The following GSK3B variants were observed in gnomAD, a reference collection of about 807,000 sequenced individuals.
GSK3B encodes glycogen synthase kinase 3 beta.
GSK3B carries 15 observed loss-of-function variants against 56.4 expected under a neutral mutation model. The ratio of observed to expected loss-of-function variants is 0.27; its 90% confidence interval spans 0.18 to 0.41. GSK3B has a LOEUF of 0.41. GSK3B is among the 10% of genes least tolerant of loss of function. The pLI is 1.00. For synonymous variants in GSK3B, 181 were observed against 188.9 expected (o/e 0.96, Z 0.34); for missense variants, 300 against 513.4 (o/e 0.58, Z 4.02).
At chr3:119,921,179 A>G (rs1318872728) in intron 4 of GSK3B, among the ~76,000 whole-genome samples, 1 of 152,214 alleles carries the variant, frequency 6.6e-6, no homozygotes. Flanking sequence ...GATGCTATGG[A>G]ATAGACTATT....
intron 1 of GSK3B, among the ~76,000 whole-genome samples, chr3:120,033,496 T>G (rs545865411): frequency 6.6e-6 from 1 of 152,348 alleles, no homozygotes; most frequent in South Asian, 2.1e-4. Context: ...TAATCTGACT[T>G]TTTTATTCTA....
At chr3:120,084,452 C>T (rs1482312153) in intron 1 of GSK3B, 3 of 152,186 alleles carry the variant, frequency 2.0e-5, no homozygotes, top group African/African-American at 7.2e-5. Context: ...CAGAAGATTA[C>T]TTTCCATCAT....
intron 7 of GSK3B, among the ~76,000 whole-genome samples, chr3:119,888,787 A>C (rs2056468329): frequency 6.6e-6 from 1 of 152,014 alleles, no homozygotes; most frequent in Admixed American, 6.6e-5. Context: ...AAGGATTAAT[A>C]CTCTGGGAAA....
intron 9 of GSK3B, among the ~76,000 whole-genome samples, chr3:119,857,841 T>C (rs1462076734): frequency 2.0e-5 from 3 of 152,216 alleles, no homozygotes; most frequent in African/African-American, 7.2e-5. Flanking sequence ...GACATAAAAG[T>C]AGAAATCATT....
intron 2 of GSK3B, among the ~76,000 whole-genome samples, chr3:119,998,207 C>T (rs1002140258): frequency 1.3e-5 from 2 of 152,162 alleles, no homozygotes; most frequent in Non-Finnish European, 2.9e-5. Flanking sequence ...GTATTCACAC[C>T]CTTGTTTAAT....
chr3:119,971,525 C>T (rs954760073), intron 2 of GSK3B, among the ~76,000 whole-genome samples: 1 of 150,900 alleles, frequency 6.6e-6, no homozygotes, highest in African/African-American at 2.4e-5. Context: ...TAGTAACTGG[C>T]CTTATATATT....
chr3:119,918,606 T>G (rs543495096), intron 4 of GSK3B, among the ~76,000 whole-genome samples: 2 of 152,332 alleles, frequency 1.3e-5, no homozygotes, highest in Admixed American at 6.5e-5. Flanking sequence ...ATATACTAAG[T>G]GCCAAACCAA....
intron 10 of GSK3B, among the ~76,000 whole-genome samples, chr3:119,841,896 C>T (rs954853388): frequency 6.6e-6 from 1 of 152,106 alleles, no homozygotes; most frequent in African/African-American, 2.4e-5. Context: ...TAAGATTAGA[C>T]AGAAACAACA....
chr3:120,047,110 T>C (rs768218353), intron 1 of GSK3B, among the ~76,000 whole-genome samples: 18 of 152,350 alleles, frequency 1.2e-4, no homozygotes, highest in Non-Finnish European at 2.2e-4. Context: ...ACTCCTTTAT[T>C]TATCTTAAAC....
In GSK3B at chr3:119,977,039, G is replaced by A. The variant is rs1315098589; in HGVS notation, c.282+25007C>T. On this transcript the variant is annotated intron_variant, in intron 2 of 10. Coordinates refer to ENST00000264235, the MANE Select transcript of GSK3B (RefSeq NM_001146156.2). ...TTCAAGTCCACAAATATCAAATATCGTGCCTCCATTTTTTCTCAGTGGAAC... is the reference window on the plus strand; with the variant it reads ...TTCAAGTCCACAAATATCAAATATCATGCCTCCATTTTTTCTCAGTGGAAC... Among the ~76,000 whole-genome samples, 139 of 152,012 alleles carry A rather than the reference G, an allele frequency of 9.1e-4. 2 individuals carry two copies. The highest frequency in any genetic ancestry group is 2.1e-4 in the South Asian group (1 of 4,818).
At chr3:119,839,627 G>C (rs1308754738) in intron 10 of GSK3B, among the ~76,000 whole-genome samples, 3 of 152,144 alleles carry the variant, frequency 2.0e-5, no homozygotes, top group Non-Finnish European at 2.9e-5. Context: ...GTAGTCTTTT[G>C]AATTTGTATT....
chr3:120,050,877 A>G (rs939180059), intron 1 of GSK3B, among the ~76,000 whole-genome samples: 1 of 152,192 alleles, frequency 6.6e-6, no homozygotes, highest in Non-Finnish European at 1.5e-5. Flanking sequence ...GAAGGTAGGC[A>G]GAGTATGAAC....
At chr3:120,024,923 C>T (rs1022684201) in intron 1 of GSK3B, among the ~76,000 whole-genome samples, 1 of 152,162 alleles carries the variant, frequency 6.6e-6, no homozygotes, top group Admixed American at 6.5e-5. Flanking sequence ...TCACAGAAGA[C>T]TGCACATTGT....
At chr3:119,958,317 G>C (rs939465410) in intron 2 of GSK3B, among the ~76,000 whole-genome samples, 1 of 140,504 alleles carries the variant, frequency 7.1e-6, no homozygotes, top group African/African-American at 2.6e-5. Context: ...ACAGCAGTGT[G>C]AGAATGGACT....
At chr3:119,916,225 A>G in intron 4 of GSK3B, 51 bp from the exon 5 acceptor site, 1 of 1,461,320 alleles carries the variant, frequency 6.8e-7, no homozygotes. Flanking sequence ...TAAACAAATC[A>G]GAATCCTTAA....
At chr3:119,967,353 G>A (rs547162125) in intron 2 of GSK3B, among the ~76,000 whole-genome samples, 3 of 152,244 alleles carry the variant, frequency 2.0e-5, no homozygotes, top group South Asian at 2.1e-4. Context: ...TGGGATTACC[G>A]GCGTGAGCCA....
intron 1 of GSK3B, among the ~76,000 whole-genome samples, chr3:120,051,069 T>C (rs773446268): frequency 2.6e-5 from 4 of 151,072 alleles, no homozygotes; most frequent in Admixed American, 6.6e-5. Flanking sequence ...AAGAAATCAG[T>C]GGGCCAAACA....
At chr3:119,833,073 A>G in intron 10 of GSK3B, 3 of 651,450 alleles carry the variant, frequency 4.6e-6, no homozygotes, top group Non-Finnish European at 5.7e-6. Context: ...CAAATGTTCA[A>G]GTCATAAACG....
chr3:119,887,509 A>G (rs1445957728), intron 7 of GSK3B, among the ~76,000 whole-genome samples: 1 of 152,146 alleles, frequency 6.6e-6, no homozygotes, highest in Non-Finnish European at 1.5e-5. Flanking sequence ...GTGAAATTAA[A>G]ACTTCACAGG....
Sources: allele counts gnomAD v4.1 joint callset (sites outside exome capture counted in the v4.1 genomes callset), GRCh38; gene constraint gnomAD v4.1.1; transcripts MANE v1.5; gene names NCBI Gene and HGNC (gene_info 2026-07-23, HGNC 2026-07-21).